BTBD16: variants seen among roughly 807,000 people sequenced by gnomAD.
BTBD16 encodes the protein BTB domain containing 16, also known as BTB/POZ domain-containing protein 16.
In BTBD16, 66 loss-of-function variants were observed where a neutral mutation model predicts 67.4. The ratio of observed to expected loss-of-function variants is 0.98; its 90% confidence interval spans 0.80 to 1.20. The LOEUF (loss-of-function observed/expected upper bound fraction) is 1.20, where lower values mean the gene tolerates loss of function less well. Among genes scored for constraint, BTBD16 ranks in the 50% most tolerant of loss-of-function variants. The pLI is 0.00. For synonymous variants in BTBD16, 242 were observed against 236.4 expected (o/e 1.02, Z -0.22); for missense variants, 634 against 616.0 (o/e 1.03, Z -0.31).
intron 11 of BTBD16, 46 bp downstream of exon 11, chr10:122,329,617 C>A: frequency 2.6e-6 from 4 of 1,523,686 alleles, no homozygotes; most frequent in Non-Finnish European, 3.6e-6. Context: ...AGCTGCTGGG[C>A]ACCTGCCCAC....
intron 10 of BTBD16, 54 bp from the exon 11 acceptor site, chr10:122,329,426 T>C: frequency 6.4e-7 from 1 of 1,565,314 alleles, no homozygotes; most frequent in Admixed American, 1.7e-5. Context: ...CCCGAGCTAA[T>C]TCCAGAGAGG....
intron 7 of BTBD16, chr10:122,291,821 T>C (rs1237535161): frequency 2.0e-5 from 3 of 152,238 alleles, no homozygotes; most frequent in Non-Finnish European, 4.4e-5. Flanking sequence ...CTTTTGGACA[T>C]TCAGACCCCG....
intron 2 of BTBD16, among the ~76,000 whole-genome samples, chr10:122,275,877 A>T (rs577119664): frequency 6.6e-6 from 1 of 151,798 alleles, no homozygotes; most frequent in South Asian, 2.1e-4. Flanking sequence ...AAAAGAATAA[A>T]AAGACAGGTG....
intron 10 of BTBD16, among the ~76,000 whole-genome samples, chr10:122,324,708 T>C (rs896481229): frequency 1.3e-5 from 2 of 152,234 alleles, no homozygotes; most frequent in African/African-American, 4.8e-5. Flanking sequence ...CTTCTCTTGC[T>C]CTGAGAGGTG....
intron 10 of BTBD16, among the ~76,000 whole-genome samples, chr10:122,310,146 A>G (rs962852834): frequency 6.6e-6 from 1 of 152,254 alleles, no homozygotes; most frequent in Non-Finnish European, 1.5e-5. Flanking sequence ...AATGTCATGC[A>G]TGTGGCAACT....
chr10:122,291,347 G>T (rs2096373745), intron 7 of BTBD16, 153 bp downstream of exon 7: 8 of 993,498 alleles, frequency 8.1e-6, no homozygotes, highest in Non-Finnish European at 1.1e-5. Flanking sequence ...GAAAGGAACT[G>T]AGACACTAAT....
At chr10:122,332,807 G>A in intron 13 of BTBD16, 1 of 985,234 alleles carries the variant, frequency 1.0e-6, no homozygotes, top group Non-Finnish European at 1.2e-6. Flanking sequence ...CTAAAACCAG[G>A]AAAGGCCAAG....
rs770414011 is a variant in BTBD16 at position 122,326,725 on chromosome 10, C to T, written c.912-2755C>T. ...TCTGGCAAGTAGGACCCAGGGCCAA[C>T]CTGGATGTATCTTTCAGTAGCAAGG... On this transcript the variant is annotated intron_variant, in intron 10 of 15. Transcript: ENST00000260723. Among the ~76,000 whole-genome samples the T allele has an allele frequency of 5.9e-4, 90 of 152,160 alleles. 1 individual carries two copies. The highest frequency in any genetic ancestry group is 1.5e-4 in the Non-Finnish European group (10 of 68,026).
chr10:122,314,368 G>A (rs552330654), intron 10 of BTBD16, among the ~76,000 whole-genome samples: 10 of 152,246 alleles, frequency 6.6e-5, no homozygotes, highest in South Asian at 6.2e-4. Context: ...GCTGGGCATG[G>A]TGGCACACTC....
At chr10:122,315,366 G>A (rs950718145) in intron 10 of BTBD16, among the ~76,000 whole-genome samples, 1 of 152,124 alleles carries the variant, frequency 6.6e-6, no homozygotes, top group African/African-American at 2.4e-5. Flanking sequence ...AACCAACTAG[G>A]TCAAGCAATA....
At chr10:122,332,767 G>T (rs879629538) in intron 13 of BTBD16, 55 of 942,260 alleles carry the variant, frequency 5.8e-5, no homozygotes, top group Middle Eastern at 5.4e-4. Context: ...CTGGAATGGA[G>T]GAGTTGCCCT....
At chr10:122,326,255 G>A (rs1053163350) in intron 10 of BTBD16, among the ~76,000 whole-genome samples, 55 of 152,004 alleles carry the variant, frequency 3.6e-4, no homozygotes, top group African/African-American at 1.2e-3. Context: ...GTTCAGTGGC[G>A]TTAAGTTTAT....
rs895351425 is a variant in BTBD16, at chr10:122,331,192, G to A, written c.1020G>A (p.Val340=). The A allele has an allele frequency of 1.9e-6, 3 of 1,613,106 alleles. No homozygotes were observed. Among genetic ancestry groups the A allele is most frequent in the Non-Finnish European group, 2.5e-6 (3 of 1,179,644 alleles). The part of the protein sequence containing the change: ...HGITKGKDLE[V]LRHLNFFPES... Reference sequence around the variant, plus strand: ...TCTTCCCAGGCAAGGATCTGGAGGTGCTGCGGCACCTTAACTTCTTCCCAG... The same window carrying A: ...TCTTCCCAGGCAAGGATCTGGAGGTACTGCGGCACCTTAACTTCTTCCCAG... Residue 340 remains valine (V), a synonymous_variant, in exon 12 of 16, where the codon GTG becomes GTA. Transcript: ENST00000260723.
intron 9 of BTBD16, among the ~76,000 whole-genome samples, chr10:122,299,533 C>A (rs1304679743): frequency 6.6e-6 from 1 of 152,014 alleles, no homozygotes; most frequent in Non-Finnish European, 1.5e-5. Context: ...TAACTCTACA[C>A]CCACGTATCT....
rs752058130 is a variant in BTBD16 at position 122,291,147 on chromosome 10, A to G, written c.543A>G (p.Gly181=). The change falls in exon 7 of 16, where the codon GGA becomes GGG. Residue 181 remains glycine, a synonymous_variant. Coordinates refer to ENST00000260723, the MANE Select transcript of BTBD16 (RefSeq NM_144587.5). ...EVEINLEDLL[G]VLASAHILQF... is the part of the protein sequence containing the mutation. ...AGATTAACTTGGAAGACCTACTGGG[A>G]GTGCTGGCTTCCGCCCACATCCTCC... The G allele has an allele frequency of 1.2e-5, 20 of 1,613,650 alleles. No individual in the cohort carries two copies. The South Asian group carries it at 1.8e-4, about 14-fold the overall frequency.
chr10:122,286,640 G>A (rs1161787784), intron 5 of BTBD16, among the ~76,000 whole-genome samples: 1 of 152,184 alleles, frequency 6.6e-6, no homozygotes, highest in East Asian at 1.9e-4. Flanking sequence ...TTTCTGGAAG[G>A]AAGGTGGAAT....
chr10:122,309,352 GTT>G (rs200767670), intron 10 of BTBD16, among the ~76,000 whole-genome samples: 2,048 of 143,740 alleles, frequency 0.014, 33 homozygotes, highest in South Asian at 0.051. Flanking sequence ...TTTTGTTTTT[GTT>G]TTTTTTTTTG....
chr10:122,337,372 G>T (rs893740429), intron 15 of BTBD16, among the ~76,000 whole-genome samples: 1 of 152,214 alleles, frequency 6.6e-6, no homozygotes, highest in Non-Finnish European at 1.5e-5. Flanking sequence ...TTTCCTTTGT[G>T]GGGGTGAGGG....
In BTBD16 at chr10:122,329,509, G is replaced by A. The variant is rs139778632; in HGVS notation, c.941G>A (p.Arg314Gln). Residue 314 changes from arginine (R) to glutamine (Q), a missense_variant, in exon 11 of 16, where the codon CGG (arginine) becomes CAG (glutamine). By Grantham distance (43) the Arg-to-Gln change is conservative. Coordinates refer to ENST00000260723, the MANE Select transcript of BTBD16 (RefSeq NM_144587.5). ...CCTGAGAACTGTTGCTTTCTGGACCGGGACATAGGACGGAGCTTGAGGCCG... is the reference window on the plus strand; with the variant it reads ...CCTGAGAACTGTTGCTTTCTGGACCAGGACATAGGACGGAGCTTGAGGCCG... ...SFPENCCFLD[R>Q]DIGRSLRPLF... 516 of 1,613,908 alleles carry A rather than the reference G, an allele frequency of 3.2e-4. 1 individual carries two copies. In the African/African-American group the frequency reaches 4.5e-3, roughly 14 times the overall value.
Sources: allele counts gnomAD v4.1 joint callset (sites outside exome capture counted in the v4.1 genomes callset), GRCh38; gene constraint gnomAD v4.1.1; transcripts MANE v1.5; gene names NCBI Gene and HGNC (gene_info 2026-07-23, HGNC 2026-07-21).